Variants in SLIT2 observed in about 807,000 individuals in gnomAD.
SLIT2 encodes the protein slit homolog 2 protein.
In SLIT2, 41 loss-of-function variants were observed where a neutral mutation model predicts 185.7. The observed-to-expected ratio is 0.22, with a 90% confidence interval of 0.17 to 0.29. The LOEUF is 0.29. Ranked by LOEUF, SLIT2 falls within the 10% of genes least tolerant of loss-of-function variation. The probability of loss-of-function intolerance (pLI) is 1.00; values close to 1 mark genes in which losing one functional copy is unlikely to be tolerated. For missense variants in SLIT2, 1,571 were observed against 1,909.0 expected (o/e 0.82, Z 3.30); for synonymous variants, 693 against 680.2 (o/e 1.02, Z -0.29).
At chr4:20,324,366 C>T (rs1033078802) in intron 4 of SLIT2, among the ~76,000 whole-genome samples, 1 of 152,008 alleles carries the variant, frequency 6.6e-6, no homozygotes, top group Admixed American at 6.6e-5. Context: ...TGGTGAGGTG[C>T]TGCTCACCCC....
chr4:20,341,139 G>A (rs933451587), intron 4 of SLIT2, among the ~76,000 whole-genome samples: 7 of 152,178 alleles, frequency 4.6e-5, no homozygotes, highest in Non-Finnish European at 8.8e-5. Flanking sequence ...TGAGGACCTT[G>A]CACTTTGTAG....
At chr4:20,513,053 T>C (rs1719897238) in intron 11 of SLIT2, among the ~76,000 whole-genome samples, 1 of 152,232 alleles carries the variant, frequency 6.6e-6, no homozygotes, top group African/African-American at 2.4e-5. Context: ...AAATAGTGTG[T>C]TGTCACTCCT....
intron 4 of SLIT2, among the ~76,000 whole-genome samples, chr4:20,354,281 G>A (rs1332835514): frequency 1.4e-5 from 2 of 147,874 alleles, no homozygotes; most frequent in Non-Finnish European, 3.0e-5. Context: ...GCTCTCTATT[G>A]TTGTCTTTCT....
At position 20,518,557 on chromosome 4, in the gene SLIT2, G is replaced by GTGTATATATATATATATATATATATA. The variant is rs1271279922; in HGVS notation, c.1059-824_1059-823insGTATATATATATATATATATATATAT. 1.2e-3 allele frequency among the ~76,000 whole-genome samples: 22 copies of GTGTATATATATATATATATATATATA among 17,862 alleles called. 5 individuals are homozygous for GTGTATATATATATATATATATATATA. Among genetic ancestry groups the GTGTATATATATATATATATATATATA allele is most frequent in the Non-Finnish European group, 1.9e-3 (20 of 10,548 alleles). The allele number at this position is 17,862 out of a possible 152,430, so 11.7% of individuals were successfully genotyped here. ...ATGAGCCACTGTGCCCAGCCTATAT[G>GTGTATATATATATATATATATATATA]TATATATATATATATATATATATAT... On this transcript the variant is annotated intron_variant, in intron 11 of 36. Coordinates refer to ENST00000504154, the MANE Select transcript of SLIT2 (RefSeq NM_004787.4).
At chr4:20,314,558 T>A (rs1718405476) in intron 4 of SLIT2, among the ~76,000 whole-genome samples, 1 of 152,174 alleles carries the variant, frequency 6.6e-6, no homozygotes, top group African/African-American at 2.4e-5. Flanking sequence ...TTTCCTTTCA[T>A]GTCATTAATA....
Position 20,519,404 on chromosome 4 carries a change from A to G in SLIT2, c.1081A>G (p.Thr361Ala). ...CAGTGTCCTCTATGGAAATAAAATCACAGAACTCCCCAAAAGTTTATTTGA... is the reference window on the plus strand; with the variant it reads ...CAGTGTCCTCTATGGAAATAAAATCGCAGAACTCCCCAAAAGTTTATTTGA... ...NSLVLYGNKI[T>A]ELPKSLFEGL... The change falls in exon 12 of 37, where the codon ACA becomes GCA. Residue 361 changes from threonine to alanine, a missense_variant. Transcript: ENST00000504154. 1 of 1,587,166 alleles carries G rather than the reference A, an allele frequency of 6.3e-7. No homozygotes were observed. The highest frequency in any genetic ancestry group is 1.3e-5 in the African/African-American group (1 of 74,468).
intron 4 of SLIT2, among the ~76,000 whole-genome samples, chr4:20,272,053 G>C: frequency 6.6e-6 from 1 of 152,078 alleles, no homozygotes; most frequent in Non-Finnish European, 1.5e-5. Flanking sequence ...AGGTCAAGAT[G>C]TTTGCTCAGA....
At chr4:20,382,228 T>C (rs1204975691) in intron 4 of SLIT2, among the ~76,000 whole-genome samples, 2 of 152,144 alleles carry the variant, frequency 1.3e-5, no homozygotes, top group African/African-American at 4.8e-5. Context: ...ACAAAGGGCA[T>C]TATTGAAAAA....
At chr4:20,302,887 G>T (rs1479564457) in intron 4 of SLIT2, among the ~76,000 whole-genome samples, 1 of 152,118 alleles carries the variant, frequency 6.6e-6, no homozygotes, top group Non-Finnish European at 1.5e-5. Flanking sequence ...GAACTTTCAT[G>T]ATATAAATTT....
At chr4:20,616,665 AACCACC>A in intron 34 of SLIT2, 1 of 402,106 alleles carries the variant, frequency 2.5e-6, no homozygotes, top group East Asian at 3.8e-5. Flanking sequence ...TTTAAAGATT[AACCACC>A]AATCAACTAG....
At chr4:20,351,579 T>C (rs1457754895) in intron 4 of SLIT2, among the ~76,000 whole-genome samples, 1 of 152,144 alleles carries the variant, frequency 6.6e-6, no homozygotes, top group East Asian at 1.9e-4. Flanking sequence ...TTATCATTAC[T>C]GCCAGGTGAC....
chr4:20,291,583 TTC>T (rs1249736180), intron 4 of SLIT2, among the ~76,000 whole-genome samples: 1 of 147,876 alleles, frequency 6.8e-6, no homozygotes, highest in Admixed American at 6.8e-5. Context: ...GTTAAAAATT[TTC>T]TGTTTAAGTT....
chr4:20,413,763 T>G (rs1031979849), intron 4 of SLIT2, among the ~76,000 whole-genome samples: 1 of 152,080 alleles, frequency 6.6e-6, no homozygotes, highest in Non-Finnish European at 1.5e-5. Flanking sequence ...ACAATAGGTA[T>G]TTTTCCATCC....
rs749643197 is a variant in SLIT2, at chr4:20,539,435, C to T, written c.1833-6C>T. The T allele has an allele frequency of 5.4e-5, 86 of 1,604,650 alleles. No individual in the cohort carries two copies. The Admixed American group carries it at 1.4e-3, about 27-fold the overall frequency. Reference sequence around the variant, plus strand: ...CTCCATAACAATGTCCTTTTTTTCCCCTCAGGATGTTGAGAAGCAATCGAA... The same window carrying T: ...CTCCATAACAATGTCCTTTTTTTCCTCTCAGGATGTTGAGAAGCAATCGAA... On this transcript the variant is annotated splice_region_variant and splice_polypyrimidine_tract_variant and intron_variant, in intron 18 of 36. Transcript: ENST00000504154.
At chr4:20,415,379 C>G (rs1215323896) in intron 4 of SLIT2, among the ~76,000 whole-genome samples, 1 of 133,580 alleles carries the variant, frequency 7.5e-6, no homozygotes, top group Non-Finnish European at 1.5e-5. Context: ...CCACTGCGCT[C>G]CAGCCTGGGT....
intron 5 of SLIT2, among the ~76,000 whole-genome samples, chr4:20,479,241 A>G (rs1464777396): frequency 6.6e-6 from 1 of 152,192 alleles, no homozygotes; most frequent in East Asian, 1.9e-4. Context: ...GACATTGTCT[A>G]TATACATAAT....
At chr4:20,372,849 AC>A (rs752906908) in intron 4 of SLIT2, among the ~76,000 whole-genome samples, 3 of 152,104 alleles carry the variant, frequency 2.0e-5, no homozygotes, top group South Asian at 4.2e-4. Context: ...CTTTTTACAC[AC>A]CATTTTTTGT....
intron 4 of SLIT2, among the ~76,000 whole-genome samples, chr4:20,273,570 G>A (rs1218641411): frequency 6.6e-6 from 1 of 151,800 alleles, no homozygotes; most frequent in East Asian, 1.9e-4. Flanking sequence ...TAAATTTAAA[G>A]GATAACTTGG....
intron 4 of SLIT2, among the ~76,000 whole-genome samples, chr4:20,360,527 T>C (rs1722657086): frequency 6.6e-6 from 1 of 152,180 alleles, no homozygotes; most frequent in African/African-American, 2.4e-5. Context: ...ACAATAACTT[T>C]GATTTCATTT....
Sources: allele counts gnomAD v4.1 joint callset (sites outside exome capture counted in the v4.1 genomes callset), GRCh38; gene constraint gnomAD v4.1.1; transcripts MANE v1.5; gene names NCBI Gene and HGNC (gene_info 2026-07-23, HGNC 2026-07-21).